The following NDRG2 variants were observed in gnomAD, a reference collection of about 807,000 sequenced individuals.
NDRG2 encodes the protein NDRG family member 2.
In NDRG2, 34 loss-of-function variants were observed where a neutral mutation model predicts 58.2. The ratio of observed to expected loss-of-function variants is 0.58; its 90% CI spans 0.44 to 0.78. The LOEUF (loss-of-function observed/expected upper bound fraction) is 0.78, where lower values mean the gene tolerates loss of function less well. NDRG2 is among the 30% of genes least tolerant of loss of function. The pLI, the probability that NDRG2 is intolerant of heterozygous loss-of-function variation, is 0.00. For missense variants in NDRG2, 434 were observed against 471.2 expected, an observed-to-expected ratio of 0.92 and a Z score of 0.73; for synonymous variants, 187 against 175.9, an observed-to-expected ratio of 1.06 and a Z score of -0.50.
At chr14:21,027,059 C>T (rs1883730156), upstream of NDRG2, among the ~76,000 whole-genome samples, 1 of 152,130 alleles carries the variant, frequency 6.6e-6, no homozygotes, top group South Asian at 2.1e-4. Flanking sequence ...GTCAGGATGA[C>T]TCAGGGGGAA....
intron 1 of NDRG2, chr14:21,034,407 C>T: frequency 1.4e-6 from 1 of 737,448 alleles, no homozygotes; most frequent in Non-Finnish European, 2.2e-6. Flanking sequence ...TCATCTCACC[C>T]ATAACCAAGT....
At chr14:21,049,585 C>G (rs1013239638) in intron 1 of NDRG2, among the ~76,000 whole-genome samples, 17 of 151,918 alleles carry the variant, frequency 1.1e-4, no homozygotes, top group African/African-American at 4.1e-4. Context: ...GTCCAGTGTT[C>G]TCGGAGATCA....
intron 1 of NDRG2, among the ~76,000 whole-genome samples, chr14:21,065,509 T>TAA (rs1886215993): frequency 6.6e-6 from 1 of 152,104 alleles, no homozygotes; most frequent in Non-Finnish European, 1.5e-5. Context: ...TTATATGTGG[T>TAA]AGAAAGGTGA....
intron 1 of NDRG2, among the ~76,000 whole-genome samples, chr14:21,051,998 A>G (rs1469094026): frequency 6.6e-6 from 1 of 152,212 alleles, no homozygotes; most frequent in African/African-American, 2.4e-5. Flanking sequence ...AGGCACCTTC[A>G]GAGTCTACTA....
Position 21,042,957 on chromosome 14 carries a change from C to G in NDRG2, c.25-19636G>C, listed in dbSNP as rs1241567233. The G allele has an allele frequency of 3.2e-6, 5 of 1,579,552 alleles. No homozygotes were observed. In the African/African-American group the frequency reaches 6.7e-5, roughly 21 times the overall value. Reference sequence around the variant, plus strand: ...AACTGAACACCTCTGTCCCAGCGACCCCTGCCCTCCATCCTGACTGCTCCT... The same window carrying G: ...AACTGAACACCTCTGTCCCAGCGACGCCTGCCCTCCATCCTGACTGCTCCT... On this transcript the variant is annotated intron_variant, in intron 1 of 14. Transcript: ENST00000403829.
At chr14:21,061,263 C>T (rs965917467) in intron 1 of NDRG2, among the ~76,000 whole-genome samples, 2 of 152,196 alleles carry the variant, frequency 1.3e-5, no homozygotes, top group African/African-American at 4.8e-5. Context: ...GAAGTTCAAC[C>T]ATTCAATATC....
chr14:21,026,104 G>A (rs1415829301), upstream of NDRG2, among the ~76,000 whole-genome samples: 3 of 152,030 alleles, frequency 2.0e-5, no homozygotes, highest in African/African-American at 7.2e-5. Context: ...CGTCCCTCTC[G>A]GTGCCCGAGT....
chr14:21,017,023 G>A lies in NDRG2; in HGVS notation c.*573C>T, dbSNP rs752311554. 49 of 455,798 alleles carry A rather than the reference G, an allele frequency of 1.1e-4. No individual in the cohort carries two copies. Among genetic ancestry groups the A allele is most frequent in the East Asian group, 1.4e-4 (2 of 14,364 alleles). 28.2% of individuals were successfully genotyped at this position (455,798 alleles called of 1,614,324 possible). ...CCAGCACCAATCCTTCCCCACACTCGTTCACTGCCCGCCAACTCCCATTCC... is the reference window on the plus strand; with the variant it reads ...CCAGCACCAATCCTTCCCCACACTCATTCACTGCCCGCCAACTCCCATTCC... On this transcript the variant is annotated 3_prime_UTR_variant, in exon 16 of 16. Transcript: ENST00000556147.
upstream of NDRG2, chr14:21,025,703 G>T: frequency 3.0e-6 from 3 of 984,590 alleles, no homozygotes; most frequent in South Asian, 4.7e-5. The surrounding 1 kb of genome is among the most constrained non-coding windows in gnomAD (Gnocchi z 5.1). Flanking sequence ...GCGTCCCGAC[G>T]CCTGCTCTCC....
chr14:21,030,444 C>T, upstream of NDRG2: 1 of 864,028 alleles, frequency 1.2e-6, no homozygotes, highest in Non-Finnish European at 1.8e-6. Flanking sequence ...GAGAGAGCAA[C>T]AGGGAAGAGG....
chr14:21,058,056 G>C (rs1465554622), intron 1 of NDRG2: 1 of 1,614,152 alleles, frequency 6.2e-7, no homozygotes, highest in South Asian at 1.1e-5. Context: ...TCAGCCATGA[G>C]CATCATCAAT....
rs1882774754 is a variant in NDRG2, at chr14:21,024,638, G to C, written c.-615C>G. The C allele has an allele frequency of 1.4e-5, 14 of 984,094 alleles. No homozygotes were observed. Among genetic ancestry groups the C allele is most frequent in the Non-Finnish European group, 1.7e-5 (14 of 829,466 alleles). The allele number at this position is 984,094 out of a possible 1,614,324, so 61.0% of individuals were successfully genotyped here. On this transcript the variant is annotated 5_prime_UTR_variant, in exon 1 of 16. Coordinates refer to ENST00000556147, the MANE Select transcript of NDRG2 (RefSeq NM_001320329.2). ...CCCACGAGTGGAGAAAGGGAGAGGA[G>C]AGCGGTCCCACAATCTTCTCCCGTT...
Position 21,070,466 on chromosome 14 carries a change from T to C in NDRG2, c.24+362A>G. 7.4e-7 allele frequency: 1 copy of C among 1,343,046 alleles called. No homozygotes were observed. Among genetic ancestry groups the C allele is most frequent in the South Asian group, 2.0e-5 (1 of 50,960 alleles). The allele number at this position is 1,343,046 out of a possible 1,614,324, so 83.2% of individuals were successfully genotyped here. A position where few individuals can be genotyped will look rare whatever the true frequency, so the allele number is the denominator to read the frequency against. On this transcript the variant is annotated intron_variant, in intron 1 of 14. Coordinates refer to the NDRG2 transcript ENST00000403829. The surrounding 1 kb of genome is among the most constrained non-coding windows in gnomAD (Gnocchi z 4.7). Reference sequence around the variant, plus strand: ...GCGCAGCCCGCTCCGGGCCCCCAAGTCCTCAGCCTGGTGCCTCCCGAGCCT... The same window carrying C: ...GCGCAGCCCGCTCCGGGCCCCCAAGCCCTCAGCCTGGTGCCTCCCGAGCCT...
At chr14:21,049,293 T>C (rs754052862) in intron 1 of NDRG2, among the ~76,000 whole-genome samples, 2 of 152,198 alleles carry the variant, frequency 1.3e-5, no homozygotes, top group Non-Finnish European at 2.9e-5. Flanking sequence ...TTCAGCTCCA[T>C]TTTCTGGTTC....
chr14:21,029,935 C>T (rs576211388), upstream of NDRG2, among the ~76,000 whole-genome samples: 152 of 152,282 alleles, frequency 1.0e-3, 1 homozygote, highest in African/African-American at 3.5e-3. Context: ...GCAGCCCAAA[C>T]AGACTACAAC....
At chr14:21,047,022 T>C (rs1235275433) in intron 1 of NDRG2, 1 of 152,184 alleles carries the variant, frequency 6.6e-6, no homozygotes, top group Non-Finnish European at 1.5e-5. Context: ...ACTTGCACAG[T>C]TCAAATCATT....
Position 21,070,797 on chromosome 14 carries a change from AG to A in NDRG2, c.24+30del. The A allele has an allele frequency of 1.3e-6, 2 of 1,534,358 alleles. No homozygotes were observed. On this transcript the variant is annotated intron_variant, in intron 1 of 14. Transcript: ENST00000403829. The surrounding 1 kb of genome is among the most constrained non-coding windows in gnomAD (Gnocchi z 4.7). Reference sequence around the variant, plus strand: ...GTTGGTCCTGCAGCGACCCTGGAAGAGGCCCGGCCCCTCGGGTCATGAGAAC... The same window carrying A: ...GTTGGTCCTGCAGCGACCCTGGAAGAGCCCGGCCCCTCGGGTCATGAGAAC...
intron 1 of NDRG2, chr14:21,043,000 C>G: frequency 1.9e-6 from 3 of 1,612,344 alleles, no homozygotes; most frequent in Non-Finnish European, 2.5e-6. Flanking sequence ...GAGATGGCAC[C>G]GGCCAGAGCA....
chr14:21,045,724 C>T (rs1292799455), intron 1 of NDRG2, among the ~76,000 whole-genome samples: 1 of 152,170 alleles, frequency 6.6e-6, no homozygotes, highest in Non-Finnish European at 1.5e-5. Flanking sequence ...CCAACTAAAA[C>T]TTTTTCTTGA....
Sources: allele counts gnomAD v4.1 joint callset (sites outside exome capture counted in the v4.1 genomes callset), GRCh38; gene constraint gnomAD v4.1.1; non-coding constraint Gnocchi (gnomAD v3.1); transcripts MANE v1.5; gene names NCBI Gene and HGNC (gene_info 2026-07-23, HGNC 2026-07-21).